The following ADAMTSL5 variants were observed in gnomAD, a reference collection of about 807,000 sequenced individuals.
ADAMTSL5 encodes ADAMTS like 5.
A neutral mutation model predicts 51.7 loss-of-function variants in ADAMTSL5; 53 were observed. The observed-to-expected ratio is 1.03, with a 90% CI of 0.82 to 1.29. ADAMTSL5 has a LOEUF of 1.29. Among genes scored for constraint, ADAMTSL5 ranks in the 50% most tolerant of loss-of-function variants. The pLI, the probability that ADAMTSL5 is intolerant of heterozygous loss-of-function variation, is 0.00. For synonymous variants in ADAMTSL5, 285 were observed against 278.7 expected, an observed-to-expected ratio of 1.02 and a Z score of -0.23; for missense variants, 770 against 676.2, an observed-to-expected ratio of 1.14 and a Z score of -1.54.
Position 1,510,672 on chromosome 19 carries a change from C to T in ADAMTSL5, c.158G>A (p.Arg53His), listed in dbSNP as rs200872673. The T allele has an allele frequency of 3.4e-5, 52 of 1,542,052 alleles. No individual in the cohort carries two copies. In the Middle Eastern group the frequency reaches 6.4e-4, roughly 19 times the overall value. The change falls in exon 3 of 12, where the codon CGT becomes CAT. Residue 53 changes from arginine to histidine, a missense_variant. Transcript: ENST00000330475. ...SWTRCSSSCG[R>H]GVSVRSRRCL... ...GCGCCGGCTGCGCACAGAGACGCCACGCCCGCAGGAGCTGGAGCAGCGGGT... is the reference window on the plus strand; with the variant it reads ...GCGCCGGCTGCGCACAGAGACGCCATGCCCGCAGGAGCTGGAGCAGCGGGT...
chr19:1,512,698 A>G (rs1276263253), intron 1 of ADAMTSL5, among the ~76,000 whole-genome samples: 1 of 151,630 alleles, frequency 6.6e-6, no homozygotes, highest in Non-Finnish European at 1.5e-5. Context: ...CCAACCAACC[A>G]AAAAAAACAG....
Position 1,506,241 on chromosome 19 carries a change from TAGACG to T in ADAMTSL5, c.1185_1189del (p.Val396GlnfsTer91). ...TGCCCGCAGTGGCGAGCGGTTCTTGTAGACGAGCTGGATGCGCACCTCATAGCGGG... is the reference window on the plus strand; with the variant it reads ...TGCCCGCAGTGGCGAGCGGTTCTTGTAGCTGGATGCGCACCTCATAGCGGG... On this transcript the variant is annotated frameshift_variant, in exon 12 of 12. Transcript: ENST00000330475. LOFTEE classifies it high-confidence loss of function. This position sits in a 1 kb window ranked among gnomAD's most constrained non-coding sequence, Gnocchi z 5.6. 6.3e-7 allele frequency: 1 copy of T among 1,587,898 alleles called. No individual in the cohort carries two copies. Among genetic ancestry groups the T allele is most frequent in the Non-Finnish European group, 8.6e-7 (1 of 1,165,114 alleles).
In ADAMTSL5 at chr19:1,510,890, G is replaced by A. The variant is rs370684437; in HGVS notation, c.54C>T (p.Leu18=). ...PRPHLFQNLL[L]FLWALLNCGL... is the part of the protein sequence containing the mutation. The stretch of plus-strand genomic sequence containing the variant: ...CACAGTTCAGCAGGGCCCACAGGAA[G>A]AGCAGGAGGTTCTGGAAGAGGTGGG... The change falls in exon 2 of 12, where the codon CTC becomes CTT. Residue 18 remains leucine (L), a synonymous_variant. Transcript: ENST00000330475. 3.9e-6 allele frequency: 6 copies of A among 1,525,942 alleles called. No individual in the cohort carries two copies. The highest frequency in any genetic ancestry group is 5.2e-6 in the Non-Finnish European group (6 of 1,145,254). The allele number at this position is 1,525,942 out of a possible 1,614,324, so 94.5% of individuals were successfully genotyped here. A position where few individuals can be genotyped will look rare whatever the true frequency, so the allele number is the denominator to read the frequency against.
Position 1,510,148 on chromosome 19 carries a change from AC to A in ADAMTSL5, c.361+1del, listed in dbSNP as rs1913181274. 3 of 1,607,374 alleles carry A rather than the reference AC, an allele frequency of 1.9e-6. No homozygotes were observed. Among genetic ancestry groups the A allele is most frequent in the Non-Finnish European group, 2.5e-6 (3 of 1,176,754 alleles). On this transcript the variant is annotated splice_donor_variant, in intron 5 of 11. Coordinates refer to ENST00000330475, the MANE Select transcript of ADAMTSL5 (RefSeq NM_213604.3). LOFTEE classifies it high-confidence loss of function. ...CTGACCACAGGAGACCAGACTACTC[AC>A]CCCCATGGAAGGGCACCCACTGGTA...
intron 5 of ADAMTSL5, among the ~76,000 whole-genome samples, chr19:1,509,658 G>GAGGAAGA: frequency 1.1e-5 from 1 of 88,608 alleles, no homozygotes; most frequent in African/African-American, 3.5e-5. Flanking sequence ...GGAAGGAAGG[G>GAGGAAGA]AAGGGAGAAA....
intron 3 of ADAMTSL5, 36 bp downstream of exon 3, chr19:1,510,603 G>C: frequency 6.7e-7 from 1 of 1,498,606 alleles, no homozygotes; most frequent in South Asian, 1.3e-5. Flanking sequence ...GCCGGCGGGG[G>C]AGGAGGGGCA....
rs1397877349 is a variant in ADAMTSL5, at chr19:1,506,823, T to C, written c.958A>G (p.Arg320Gly). 6.5e-7 allele frequency: 1 copy of C among 1,541,086 alleles called. No individual in the cohort carries two copies. Among genetic ancestry groups the C allele is most frequent in the South Asian group, 1.2e-5 (1 of 83,218 alleles). ...TCCACCCCCCGGGGCTGAGGCTGCC[T>C]CAGGGGCCAGCCCAGGGCCTGCACA... ...ARVQALGWPL[R>G]QPQPRGVEPQ... Residue 320 changes from arginine (R) to glycine (G), a missense_variant, in exon 10 of 12, where the codon AGG becomes GGG. By Grantham distance (125) the Arg-to-Gly change is moderately radical. Coordinates refer to ENST00000330475, the MANE Select transcript of ADAMTSL5 (RefSeq NM_213604.3). This position sits in a 1 kb window ranked among gnomAD's most constrained non-coding sequence, Gnocchi z 5.6.
Position 1,507,244 on chromosome 19 carries a change from G to C in ADAMTSL5, c.850C>G (p.Gln284Glu). The change falls in exon 9 of 12, where the codon CAG (glutamine) becomes GAG (glutamate). Residue 284 changes from glutamine (Q) to glutamate (E), a missense_variant and splice_region_variant. By Grantham distance (29) the Gln-to-Glu change is conservative (BLOSUM62 2). Coordinates refer to ENST00000330475, the MANE Select transcript of ADAMTSL5 (RefSeq NM_213604.3). ...AGPTSHDLLL[Q>E]VLLQEPNPGI... Reference sequence around the variant, plus strand: ...CCCTGTTGGAGGCCCAGTGGCACCTGTAGGAGCAGGTCATGGGAGGTGGGC... The same window carrying C: ...CCCTGTTGGAGGCCCAGTGGCACCTCTAGGAGCAGGTCATGGGAGGTGGGC... 1 of 1,531,924 alleles carries C rather than the reference G, an allele frequency of 6.5e-7. No homozygotes were observed. 94.9% of individuals were successfully genotyped at this position (1,531,924 alleles called of 1,614,324 possible).
chr19:1,509,777 G>A lies in ADAMTSL5; in HGVS notation c.361+373C>T, dbSNP rs567065399. On this transcript the variant is annotated intron_variant, in intron 5 of 11. Coordinates refer to ENST00000330475, the MANE Select transcript of ADAMTSL5 (RefSeq NM_213604.3). The stretch of plus-strand genomic sequence containing the variant: ...TATCTGTGTCTGCCTTCCCCATGGC[G>A]TGTGAAGCTGCCTGTCTCCCTGAAA... Among the ~76,000 whole-genome samples, 12 of 152,302 alleles carry A rather than the reference G, an allele frequency of 7.9e-5. No individual in the cohort carries two copies. The South Asian group carries it at 2.3e-3, about 29-fold the overall frequency.
In ADAMTSL5 at chr19:1,508,465, A is replaced by C; in HGVS notation, c.467T>G (p.Val156Gly). ...GTACSPGAQG[V>G]CVAGRCLSAG... ...TACAAGGCAGCGGCCAGCCACGCAG[A>C]CCCCCTGGGCACCCGGGCTGCAGGC... Residue 156 changes from valine to glycine, a missense_variant, in exon 6 of 12, where the codon GTC becomes GGC. By Grantham distance (109) the Val-to-Gly change is moderately radical. Transcript: ENST00000330475. 2 of 1,573,060 alleles carry C rather than the reference A, an allele frequency of 1.3e-6. No individual in the cohort carries two copies. The highest frequency in any genetic ancestry group is 8.6e-7 in the Non-Finnish European group (1 of 1,166,220).
rs1054021889 is a variant in ADAMTSL5, at chr19:1,510,646, A to G, written c.184T>C (p.Cys62Arg). ...CCTCCGGGCCCCGCTCACCGGAGGC[A>G]GCGCCGGCTGCGCACAGAGACGCCA... ...GRGVSVRSRRCLRLPGEEPCW... is the reference protein window; with the variant it reads ...GRGVSVRSRRRLRLPGEEPCW... Residue 62 changes from cysteine to arginine, a missense_variant, in exon 3 of 12, where the codon TGC becomes CGC. Physicochemically the swap from Cys to Arg is radical, Grantham distance 180. Coordinates refer to ENST00000330475, the MANE Select transcript of ADAMTSL5 (RefSeq NM_213604.3). 3.3e-6 allele frequency: 5 copies of G among 1,536,662 alleles called. No homozygotes were observed. Among genetic ancestry groups the G allele is most frequent in the African/African-American group, 2.8e-5 (2 of 72,022 alleles).
At position 1,505,925 on chromosome 19, in the gene ADAMTSL5, G is replaced by A. The variant is rs1378008912; in HGVS notation, c.*90C>T. The A allele has an allele frequency of 7.8e-6, 11 of 1,416,324 alleles. No homozygotes were observed. The highest frequency in any genetic ancestry group is 1.0e-5 in the Non-Finnish European group (11 of 1,082,186). The allele number at this position is 1,416,324 out of a possible 1,614,324, so 87.7% of individuals were successfully genotyped here. On this transcript the variant is annotated 3_prime_UTR_variant, in exon 12 of 12. Transcript: ENST00000330475. The stretch of plus-strand genomic sequence containing the variant: ...GGTGGGACGTATTTCAGAGCTGCCT[G>A]GAAGCCAGGGTGAGAGGGGAAATAC...
At chr19:1,509,622 AAGGG>A (rs1555693309) in intron 5 of ADAMTSL5, among the ~76,000 whole-genome samples, 10 of 120,620 alleles carry the variant, frequency 8.3e-5, no homozygotes, top group African/African-American at 1.8e-4. Flanking sequence ...GGAAGGAAGG[AAGGG>A]AGGGAGGGAG....
intron 1 of ADAMTSL5, among the ~76,000 whole-genome samples, chr19:1,511,932 C>A (rs548977763): frequency 6.6e-6 from 1 of 152,146 alleles, no homozygotes; most frequent in Non-Finnish European, 1.5e-5. Context: ...GACTGAGCTC[C>A]GGGGCAGCCC....
rs981082260 is a variant in ADAMTSL5, at chr19:1,510,272, T to C, written c.253-14A>G. The C allele has an allele frequency of 1.2e-6, 2 of 1,612,660 alleles. No individual in the cohort carries two copies. Among genetic ancestry groups the C allele is most frequent in the African/African-American group, 2.7e-5 (2 of 74,800 alleles). On this transcript the variant is annotated splice_polypyrimidine_tract_variant and intron_variant, in intron 4 of 11. Coordinates refer to ENST00000330475, the MANE Select transcript of ADAMTSL5 (RefSeq NM_213604.3). The stretch of plus-strand genomic sequence containing the variant: ...TGGGGGGCAGTCCTAGGGACAGAGA[T>C]AGGTGAGCCAGAGGCTGGGACAACC...
chr19:1,512,697 CA>C (rs947010551), intron 1 of ADAMTSL5, among the ~76,000 whole-genome samples: 2 of 150,214 alleles, frequency 1.3e-5, no homozygotes, highest in African/African-American at 2.4e-5. Flanking sequence ...ACCAACCAAC[CA>C]AAAAAAACAG....
At position 1,508,465 on chromosome 19, in the gene ADAMTSL5, A is replaced by AC. The variant is rs1913082094; in HGVS notation, c.466dup (p.Val156GlyfsTer9). 3 of 1,572,942 alleles carry AC rather than the reference A, an allele frequency of 1.9e-6. No homozygotes were observed. Among genetic ancestry groups the AC allele is most frequent in the Non-Finnish European group, 2.6e-6 (3 of 1,166,226 alleles). On this transcript the variant is annotated frameshift_variant, in exon 6 of 12. Coordinates refer to ENST00000330475, the MANE Select transcript of ADAMTSL5 (RefSeq NM_213604.3). LOFTEE classifies it high-confidence loss of function. ...TACAAGGCAGCGGCCAGCCACGCAGACCCCCTGGGCACCCGGGCTGCAGGC... is the reference window on the plus strand; with the variant it reads ...TACAAGGCAGCGGCCAGCCACGCAGACCCCCCTGGGCACCCGGGCTGCAGGC...
intron 5 of ADAMTSL5, among the ~76,000 whole-genome samples, 168 bp downstream of exon 5, chr19:1,509,980 CCT>C (rs1236548435): frequency 3.3e-5 from 5 of 152,146 alleles, no homozygotes; most frequent in Admixed American, 1.3e-4. Flanking sequence ...TCCCTCTGCC[CCT>C]GTTTCACGCC....
chr19:1,507,403 G>T lies in ADAMTSL5; in HGVS notation c.691C>A (p.Leu231Met), dbSNP rs141704307. Residue 231 changes from leucine (L) to methionine (M), a missense_variant and splice_region_variant, in exon 9 of 12, where the codon CTG becomes ATG. Leu to Met is a conservative substitution (Grantham distance 15). Transcript: ENST00000330475. ...ACGTAGCGCCCATCGCCCCCCATCA[G>T]TGCTGCAAGGGAACAGTCAGCCCTC... ...VEHRSRNHLA[L>M]MGGDGRYVLN... is the part of the protein sequence containing the mutation. 575 of 1,579,094 alleles carry T rather than the reference G, an allele frequency of 3.6e-4. 2 individuals carry two copies. The African/African-American group carries it at 6.7e-3, about 18-fold the overall frequency.
Sources: allele counts gnomAD v4.1 joint callset (sites outside exome capture counted in the v4.1 genomes callset), GRCh38; gene constraint gnomAD v4.1.1; non-coding constraint Gnocchi (gnomAD v3.1); transcripts MANE v1.5; gene names NCBI Gene and HGNC (gene_info 2026-07-23, HGNC 2026-07-21).